ZNHIT6: variants seen among roughly 807,000 people sequenced by gnomAD.
ZNHIT6 encodes zinc finger HIT-type containing 6.
In ZNHIT6, 45 loss-of-function variants were observed where a neutral mutation model predicts 57.2. The ratio of observed to expected loss-of-function variants is 0.79; its 90% CI spans 0.62 to 1.01. The LOEUF is 1.01. ZNHIT6 is among the 50% of genes least tolerant of loss of function. The pLI, the probability that ZNHIT6 is intolerant of heterozygous loss-of-function variation, is 0.00. For missense variants in ZNHIT6, 528 were observed against 567.3 expected, an observed-to-expected ratio of 0.93 and a Z score of 0.70; for synonymous variants, 188 against 190.0, an observed-to-expected ratio of 0.99 and a Z score of 0.09.
At chr1:85,695,479 A>T (rs977452361) in intron 5 of ZNHIT6, among the ~76,000 whole-genome samples, 12 of 152,178 alleles carry the variant, frequency 7.9e-5, no homozygotes, top group Non-Finnish European at 1.8e-4. Flanking sequence ...ATATAGAGTT[A>T]AAGCCACAAA....
intron 5 of ZNHIT6, among the ~76,000 whole-genome samples, chr1:85,696,653 CATTTTATACAATAAAATATAT>C (rs1662379563): frequency 1.3e-5 from 2 of 152,042 alleles, no homozygotes; most frequent in East Asian, 3.9e-4. Context: ...ATGTAATATA[CATTTTATACAATAAAATATAT>C]AACATTCTGA....
chr1:85,692,718 T>TAA (rs11328038), intron 5 of ZNHIT6, among the ~76,000 whole-genome samples: 3 of 145,256 alleles, frequency 2.1e-5, no homozygotes, highest in African/African-American at 7.6e-5. Context: ...GATACCATGT[T>TAA]AAAAAAAAAA....
chr1:85,668,740 G>C (rs1356350874), intron 8 of ZNHIT6, among the ~76,000 whole-genome samples: 2 of 152,146 alleles, frequency 1.3e-5, no homozygotes, highest in African/African-American at 2.4e-5. Flanking sequence ...ATTAGGCAAA[G>C]AGCACAGACT....
At chr1:85,680,731 A>G in intron 6 of ZNHIT6, 105 bp downstream of exon 6, 1 of 782,796 alleles carries the variant, frequency 1.3e-6, no homozygotes, top group African/African-American at 1.7e-5. Context: ...TAAATACACC[A>G]CAATTTAGTT....
intron 5 of ZNHIT6, among the ~76,000 whole-genome samples, chr1:85,685,497 C>T (rs1662002388): frequency 7.0e-6 from 1 of 143,516 alleles, no homozygotes; most frequent in South Asian, 2.1e-4. Flanking sequence ...TATTTCTTGA[C>T]ATTATAAAAG....
At chr1:85,686,045 T>TCCA in intron 5 of ZNHIT6, among the ~76,000 whole-genome samples, 1 of 151,690 alleles carries the variant, frequency 6.6e-6, no homozygotes, top group East Asian at 1.9e-4. Flanking sequence ...CACTGCAAGC[T>TCCA]CCACCTCCTG....
Position 85,667,961 on chromosome 1 carries a change from A to AAAAAAATGTATATATATATATATATAT in ZNHIT6, c.1247+9274_1247+9275insATATATATATATATATATACATTTTTT. Among the ~76,000 whole-genome samples, 8 of 18,198 alleles carry AAAAAAATGTATATATATATATATATAT rather than the reference A, an allele frequency of 4.4e-4. 2 individuals carry two copies. Among genetic ancestry groups the AAAAAAATGTATATATATATATATATAT allele is most frequent in the Admixed American group, 2.0e-3 (3 of 1,484 alleles). The allele number at this position is 18,198 out of a possible 152,430, so 11.9% of individuals were successfully genotyped here. ...ACTCTCTCTTTCAAAAAAAAAAAAA[A>AAAAAAATGTATATATATATATATATAT]ATATATATATATATATATATATATG... is the stretch of plus-strand genomic sequence containing the variant. On this transcript the variant is annotated intron_variant, in intron 8 of 9. Transcript: ENST00000370574.
chr1:85,685,239 T>C (rs1661995490), intron 5 of ZNHIT6, among the ~76,000 whole-genome samples: 1 of 152,148 alleles, frequency 6.6e-6, no homozygotes. Flanking sequence ...ATATAAAATG[T>C]CCACTGCACC....
chr1:85,703,257 G>GA (rs1035283692), intron 4 of ZNHIT6, among the ~76,000 whole-genome samples: 4 of 151,472 alleles, frequency 2.6e-5, no homozygotes, highest in Non-Finnish European at 4.4e-5. Context: ...GAGGAAAAAA[G>GA]AAAAAAAATC....
chr1:85,665,470 C>A (rs1288449495), intron 8 of ZNHIT6, among the ~76,000 whole-genome samples: 1 of 151,918 alleles, frequency 6.6e-6, no homozygotes, highest in South Asian at 2.1e-4. Context: ...GAAATAATAT[C>A]ATAATCAAGC....
Position 85,657,991 on chromosome 1 carries a change from A to C in ZNHIT6, c.1248-20T>G, listed in dbSNP as rs746856188. On this transcript the variant is annotated intron_variant, in intron 8 of 9. Transcript: ENST00000370574. Reference sequence around the variant, plus strand: ...TAATATCTTATTAATAAAAAAAAACAAAAAACCAGGAAACACTCTTAATAT... The same window carrying C: ...TAATATCTTATTAATAAAAAAAAACCAAAAACCAGGAAACACTCTTAATAT... 2 of 1,387,580 alleles carry C rather than the reference A, an allele frequency of 1.4e-6. No homozygotes were observed. The highest frequency in any genetic ancestry group is 2.0e-6 in the Non-Finnish European group (2 of 1,020,836). 86.0% of individuals were successfully genotyped at this position (1,387,580 alleles called of 1,614,324 possible). A position where few individuals can be genotyped will look rare whatever the true frequency, so the allele number is the denominator to read the frequency against.
At chr1:85,669,475 G>A (rs1201827226) in intron 8 of ZNHIT6, among the ~76,000 whole-genome samples, 1 of 152,108 alleles carries the variant, frequency 6.6e-6, no homozygotes, top group Non-Finnish European at 1.5e-5. Context: ...ACTTTTGCTG[G>A]TTGCTTTTCA....
chr1:85,667,218 A>T (rs821382), intron 8 of ZNHIT6, among the ~76,000 whole-genome samples: 129,245 of 152,108 alleles, frequency 0.85, 55,255 homozygotes, highest in East Asian at 0.95. Context: ...TCCATTTAAT[A>T]ATAATACAAT....
At chr1:85,700,375 C>T (rs1662496012) in intron 5 of ZNHIT6, among the ~76,000 whole-genome samples, 1 of 152,126 alleles carries the variant, frequency 6.6e-6, no homozygotes, top group African/African-American at 2.4e-5. Context: ...TCCTGGGAAA[C>T]ACTAAAAATG....
At chr1:85,695,389 A>G (rs1365868517) in intron 5 of ZNHIT6, among the ~76,000 whole-genome samples, 1 of 152,196 alleles carries the variant, frequency 6.6e-6, no homozygotes, top group Non-Finnish European at 1.5e-5. Context: ...GTCTGAAAAA[A>G]TGTTTAAAAA....
intron 5 of ZNHIT6, among the ~76,000 whole-genome samples, chr1:85,687,886 T>C (rs940322918): frequency 6.6e-6 from 1 of 151,928 alleles, no homozygotes; most frequent in Non-Finnish European, 1.5e-5. Flanking sequence ...CTATCAAAAA[T>C]ACAAAAATTA....
intron 8 of ZNHIT6, among the ~76,000 whole-genome samples, chr1:85,676,458 A>G (rs191034058): frequency 3.2e-3 from 484 of 152,276 alleles, no homozygotes; most frequent in Non-Finnish European, 5.6e-3. Flanking sequence ...AACTAGCAGG[A>G]GAGGCCTAGC....
intron 9 of ZNHIT6, among the ~76,000 whole-genome samples, chr1:85,656,052 T>C (rs1661051773): frequency 6.6e-6 from 1 of 152,106 alleles, no homozygotes; most frequent in Non-Finnish European, 1.5e-5. Flanking sequence ...TTTCAAGGCT[T>C]TCCAAAGAAA....
At position 85,708,410 on chromosome 1, in the gene ZNHIT6, C is replaced by T. The variant is rs1400478952; in HGVS notation, c.-126G>A. On this transcript the variant is annotated 5_prime_UTR_variant, in exon 1 of 10. Transcript: ENST00000370574. The stretch of plus-strand genomic sequence containing the variant: ...GTGTGGAGCCAAGCAGCCACAAACC[C>T]GGAATAGCCTGCTTGACGCGACTGC... 2.4e-5 allele frequency: 30 copies of T among 1,225,162 alleles called. No homozygotes were observed. The highest frequency in any genetic ancestry group is 1.5e-4 in the South Asian group (10 of 65,476). 75.9% of individuals were successfully genotyped at this position (1,225,162 alleles called of 1,614,324 possible).
Sources: allele counts gnomAD v4.1 joint callset (sites outside exome capture counted in the v4.1 genomes callset), GRCh38; gene constraint gnomAD v4.1.1; transcripts MANE v1.5; gene names NCBI Gene and HGNC (gene_info 2026-07-23, HGNC 2026-07-21).